The following FTCDNL1 variants were observed in gnomAD, a reference collection of about 807,000 sequenced individuals.
FTCDNL1 encodes the protein formiminotransferase cyclodeaminase N-terminal like.
In FTCDNL1, 11 loss-of-function variants were observed where a neutral mutation model predicts 5.9. That is an observed-to-expected ratio of 1.87 (90% CI 1.18 to 3.10). The LOEUF (loss-of-function observed/expected upper bound fraction) is 3.10. FTCDNL1 is among the 30% of genes most tolerant of loss of function. FTCDNL1 has a pLI of 0.00. For missense variants in FTCDNL1, 115 were observed against 65.5 expected (o/e 1.76, Z -2.61); for synonymous variants, 58 against 24.8 (o/e 2.34, Z -3.99).
chr2:199,677,257 C>T, the FTCDNL1 span, among the ~76,000 whole-genome samples: 1 of 152,168 alleles, frequency 6.6e-6, no homozygotes, highest in Non-Finnish European at 1.5e-5. Flanking sequence ...CTTTGTGTTA[C>T]AGAATAAAAC....
downstream of FTCDNL1, among the ~76,000 whole-genome samples, chr2:199,757,156 G>T (rs1481279656): frequency 6.6e-6 from 1 of 152,204 alleles, no homozygotes; most frequent in Non-Finnish European, 1.5e-5. Flanking sequence ...AAGGAAGGAA[G>T]AAGAACCTCC....
At chr2:199,676,121 T>A in the FTCDNL1 span, among the ~76,000 whole-genome samples, 3 of 152,130 alleles carry the variant, frequency 2.0e-5, no homozygotes, top group South Asian at 2.1e-4. Context: ...TATAACTCAG[T>A]CACATATAGC....
chr2:199,785,469 C>T (rs1287607269), intron 3 of FTCDNL1: 1 of 151,960 alleles, frequency 6.6e-6, no homozygotes, highest in Non-Finnish European at 1.5e-5. Context: ...ATCTCCTGAC[C>T]TCATGATCCG....
chr2:199,778,896 T>C (rs1326282796), intron 3 of FTCDNL1, among the ~76,000 whole-genome samples: 10 of 152,208 alleles, frequency 6.6e-5, no homozygotes, highest in Non-Finnish European at 1.5e-4. Flanking sequence ...ATAAAGCGCA[T>C]GAGTAATAAA....
the FTCDNL1 span, among the ~76,000 whole-genome samples, chr2:199,701,599 A>G: frequency 6.6e-6 from 1 of 152,232 alleles, no homozygotes; most frequent in Non-Finnish European, 1.5e-5. Flanking sequence ...GAAATGTTGT[A>G]TATATACACC....
the FTCDNL1 span, among the ~76,000 whole-genome samples, chr2:199,703,955 C>T: frequency 6.6e-6 from 1 of 152,146 alleles, no homozygotes; most frequent in Non-Finnish European, 1.5e-5. Context: ...GTAGGCTTTA[C>T]TCTTCCCTTC....
chr2:199,746,203 G>T, the FTCDNL1 span, among the ~76,000 whole-genome samples: 1 of 152,134 alleles, frequency 6.6e-6, no homozygotes, highest in Non-Finnish European at 1.5e-5. Context: ...TTTGCATCTT[G>T]CATTCTTTCT....
At chr2:199,743,678 T>C in the FTCDNL1 span, among the ~76,000 whole-genome samples, 4 of 151,962 alleles carry the variant, frequency 2.6e-5, no homozygotes, top group African/African-American at 9.7e-5. Flanking sequence ...GGCTGCAAGA[T>C]GGTAATTAAG....
the FTCDNL1 span, among the ~76,000 whole-genome samples, chr2:199,729,081 C>T: frequency 6.6e-6 from 1 of 152,316 alleles, no homozygotes; most frequent in East Asian, 1.9e-4. Context: ...GCTTCACTTC[C>T]TCCTGGTAAG....
At chr2:199,704,942 C>T in the FTCDNL1 span, among the ~76,000 whole-genome samples, 1 of 152,120 alleles carries the variant, frequency 6.6e-6, no homozygotes, top group Non-Finnish European at 1.5e-5. Flanking sequence ...AATTTCTCCC[C>T]ACTAAGAGGA....
the FTCDNL1 span, among the ~76,000 whole-genome samples, chr2:199,688,446 T>G: frequency 1.3e-5 from 2 of 152,018 alleles, no homozygotes; most frequent in African/African-American, 4.8e-5. Flanking sequence ...TCTGGTGCCC[T>G]TTTTTGTTGT....
intron 3 of FTCDNL1, among the ~76,000 whole-genome samples, chr2:199,824,289 G>A (rs1012369303): frequency 2.6e-5 from 4 of 152,328 alleles, no homozygotes; most frequent in African/African-American, 7.2e-5. Flanking sequence ...AGCATTGTCA[G>A]CTCTCTCACC....
chr2:199,739,798 T>C, the FTCDNL1 span, among the ~76,000 whole-genome samples: 1 of 152,278 alleles, frequency 6.6e-6, no homozygotes, highest in African/African-American at 2.4e-5. Flanking sequence ...GTCATTCCGT[T>C]TTATGGAAGT....
chr2:199,668,506 G>C, the FTCDNL1 span, among the ~76,000 whole-genome samples: 2 of 151,424 alleles, frequency 1.3e-5, no homozygotes, highest in African/African-American at 2.4e-5. Context: ...GAGCAGGTCT[G>C]GGAGCTGAGA....
intron 3 of FTCDNL1, among the ~76,000 whole-genome samples, chr2:199,784,070 T>G (rs1246762193): frequency 6.6e-6 from 1 of 152,072 alleles, no homozygotes; most frequent in Non-Finnish European, 1.5e-5. Flanking sequence ...AATTTAATCT[T>G]CCTTCATGGC....
At chr2:199,736,655 C>T in the FTCDNL1 span, among the ~76,000 whole-genome samples, 1 of 152,118 alleles carries the variant, frequency 6.6e-6, no homozygotes, top group Non-Finnish European at 1.5e-5. Context: ...GAAGCAAATC[C>T]CCTTCCCACA....
rs181972041 is a variant in FTCDNL1, at chr2:199,845,685, A to G, written c.211+390T>C. On this transcript the variant is annotated intron_variant, in intron 3 of 4. Transcript: ENST00000420128. ...ACTCATGGCCCAACTCCAGATCTCAAGCTCCCAACCCAGAATGCACTGCTT... is the reference window on the plus strand; with the variant it reads ...ACTCATGGCCCAACTCCAGATCTCAGGCTCCCAACCCAGAATGCACTGCTT... Among the ~76,000 whole-genome samples the G allele has an allele frequency of 4.9e-4, 75 of 152,266 alleles. 1 individual carries two copies. The highest frequency in any genetic ancestry group is 2.3e-3 in the South Asian group (11 of 4,818).
At chr2:199,702,400 G>T in the FTCDNL1 span, among the ~76,000 whole-genome samples, 27,956 of 152,088 alleles carry the variant, frequency 0.18, 2,807 homozygotes, top group East Asian at 0.3. Flanking sequence ...CTCGCCTCCC[G>T]ATGCAACTCT....
At chr2:199,760,747 T>C in exon 4 of FTCDNL1, 1 of 702,122 alleles carries the variant, frequency 1.4e-6, no homozygotes. Flanking sequence ...TCACCCCAGA[T>C]CCATTCTGTG....
Sources: allele counts gnomAD v4.1 joint callset (sites outside exome capture counted in the v4.1 genomes callset), GRCh38; gene constraint gnomAD v4.1.1; transcripts MANE v1.5; gene names NCBI Gene and HGNC (gene_info 2026-07-23, HGNC 2026-07-21).